The following CCDC69 variants were observed in gnomAD, a reference collection of about 807,000 sequenced individuals.
The protein encoded by CCDC69 is coiled-coil domain containing 69.
Under a neutral mutation model 40.3 loss-of-function variants are expected in CCDC69, and 38 were observed. The ratio of observed to expected loss-of-function variants is 0.94; its 90% CI spans 0.73 to 1.24. The LOEUF (loss-of-function observed/expected upper bound fraction) is 1.24. Ranked by LOEUF, CCDC69 falls within the 50% of genes most tolerant of loss-of-function variation. CCDC69 has a pLI of 0.00. For missense variants in CCDC69, 389 were observed against 357.9 expected (o/e 1.09, Z -0.70); for synonymous variants, 141 against 138.9 (o/e 1.02, Z -0.11).
In CCDC69 at chr5:151,185,419, G is replaced by A; in HGVS notation, c.615+3C>T. 6.2e-7 allele frequency: 1 copy of A among 1,613,780 alleles called. No homozygotes were observed. The highest frequency in any genetic ancestry group is 1.1e-5 in the South Asian group (1 of 91,044). On this transcript the variant is annotated splice_donor_region_variant and intron_variant, in intron 7 of 8. Coordinates refer to ENST00000355417, the MANE Select transcript of CCDC69 (RefSeq NM_015621.3). ...CATCCCCCAGCCACTCCCAGTCACA[G>A]ACCACTGTTTCCATGAGGATCAGCC...
At chr5:151,196,203 G>A (rs1752697191) in intron 4 of CCDC69, among the ~76,000 whole-genome samples, 1 of 152,340 alleles carries the variant, frequency 6.6e-6, no homozygotes, top group African/African-American at 2.4e-5. Context: ...CCAGGCTGGA[G>A]TACAGTGGTG....
chr5:151,183,508 C>T lies in CCDC69; in HGVS notation c.820G>A (p.Gly274Arg), dbSNP rs905777571. 1.2e-6 allele frequency: 2 copies of T among 1,608,464 alleles called. No homozygotes were observed. Among genetic ancestry groups the T allele is most frequent in the Admixed American group, 3.4e-5 (2 of 58,890 alleles). The change falls in exon 9 of 9, where the codon GGG (glycine) becomes AGG (arginine). Residue 274 changes from glycine to arginine, a missense_variant. Coordinates refer to ENST00000355417, the MANE Select transcript of CCDC69 (RefSeq NM_015621.3). ...EKEELLYRVL[G>R]ANASPAFPLA... is the part of the protein sequence containing the mutation. ...GGGAAGGCAGGCGAGGCATTGGCCC[C>T]AAGGACCCGGTACAACAGCTCCTCC...
At chr5:151,185,966 G>C (rs898998766) in intron 6 of CCDC69, 57 bp downstream of exon 6, 1 of 1,204,324 alleles carries the variant, frequency 8.3e-7, no homozygotes, top group African/African-American at 1.5e-5. Context: ...CCTGTTGCCC[G>C]GCCCTGACCT....
chr5:151,188,580 G>A (rs1012105623), intron 4 of CCDC69, among the ~76,000 whole-genome samples: 1 of 151,326 alleles, frequency 6.6e-6, no homozygotes, highest in African/African-American at 2.4e-5. Flanking sequence ...ACTCCAGCCT[G>A]GGCAACAGAG....
chr5:151,223,918 T>A lies in CCDC69; in HGVS notation c.48+5A>T. ...AAAGCAAACTTCTCCGCCGGCGCCC[T>A]TTACCTTTTTCGGGGGTTTGCAGCT... On this transcript the variant is annotated splice_donor_5th_base_variant and intron_variant, in intron 1 of 8. Transcript: ENST00000355417. 2 of 1,587,078 alleles carry A rather than the reference T, an allele frequency of 1.3e-6. No homozygotes were observed. Among genetic ancestry groups the A allele is most frequent in the Non-Finnish European group, 1.7e-6 (2 of 1,168,578 alleles).
chr5:151,204,237 A>G (rs939801625), intron 2 of CCDC69, among the ~76,000 whole-genome samples: 3 of 152,002 alleles, frequency 2.0e-5, no homozygotes, highest in African/African-American at 7.3e-5. Flanking sequence ...GTTTCACCAT[A>G]TTGCCCAGTC....
At chr5:151,199,107 A>G in intron 3 of CCDC69, 23 bp from the exon 4 acceptor site, 5 of 1,593,962 alleles carry the variant, frequency 3.1e-6, no homozygotes, top group African/African-American at 1.3e-5. Flanking sequence ...AGTCCCGGGC[A>G]GGACTGAGAT....
At chr5:151,214,031 G>A (rs935036565) in intron 1 of CCDC69, among the ~76,000 whole-genome samples, 1 of 152,198 alleles carries the variant, frequency 6.6e-6, no homozygotes, top group Non-Finnish European at 1.5e-5. Context: ...AGGCCCAGAG[G>A]TGGGTGGGCA....
chr5:151,222,351 G>A (rs553903151), intron 1 of CCDC69, among the ~76,000 whole-genome samples: 99 of 152,382 alleles, frequency 6.5e-4, no homozygotes, highest in African/African-American at 2.3e-3. Flanking sequence ...AGGAGCAGGA[G>A]CCAAAGAACC....
At chr5:151,184,227 A>T in intron 8 of CCDC69, 117 bp downstream of exon 8, 1 of 738,116 alleles carries the variant, frequency 1.4e-6, no homozygotes, top group East Asian at 2.5e-5. Context: ...CACATTCCCT[A>T]AATAGGCCCT....
intron 3 of CCDC69, among the ~76,000 whole-genome samples, chr5:151,199,552 C>G (rs1752750276): frequency 1.3e-5 from 2 of 152,072 alleles, no homozygotes; most frequent in South Asian, 2.1e-4. Flanking sequence ...CAGGCTGAAC[C>G]CTCCCAGCCA....
At chr5:151,209,941 A>T (rs1178496736) in intron 1 of CCDC69, among the ~76,000 whole-genome samples, 1 of 152,172 alleles carries the variant, frequency 6.6e-6, no homozygotes, top group Admixed American at 6.5e-5. Context: ...ACTAGTAGGC[A>T]TTTGTTGTAG....
chr5:151,189,314 T>C (rs1752570394), intron 4 of CCDC69, among the ~76,000 whole-genome samples: 1 of 151,980 alleles, frequency 6.6e-6, no homozygotes, highest in Non-Finnish European at 1.5e-5. Context: ...AAGGAAATTT[T>C]AGAACTAAAA....
chr5:151,205,214 C>A (rs1348540384), intron 2 of CCDC69, among the ~76,000 whole-genome samples, 186 bp downstream of exon 2: 1 of 152,128 alleles, frequency 6.6e-6, no homozygotes, highest in African/African-American at 2.4e-5. Flanking sequence ...GTGGTATCAA[C>A]AGCCTAGAAT....
At chr5:151,207,493 G>A (rs1752869152) in intron 1 of CCDC69, among the ~76,000 whole-genome samples, 1 of 150,130 alleles carries the variant, frequency 6.7e-6, no homozygotes, top group African/African-American at 2.5e-5. Flanking sequence ...GAGTTTCACC[G>A]TGTTGGCCAG....
Position 151,183,385 on chromosome 5 carries a change from C to T in CCDC69, c.*52G>A, listed in dbSNP as rs779866527. Reference sequence around the variant, plus strand: ...GCTCCTGCTGTCTTCTCCAGAAAAACCTTGGAAGGAGCTGTGACTTCAGGC... The same window carrying T: ...GCTCCTGCTGTCTTCTCCAGAAAAATCTTGGAAGGAGCTGTGACTTCAGGC... On this transcript the variant is annotated 3_prime_UTR_variant, in exon 9 of 9. Coordinates refer to ENST00000355417, the MANE Select transcript of CCDC69 (RefSeq NM_015621.3). 1 of 1,562,892 alleles carries T rather than the reference C, an allele frequency of 6.4e-7. No individual in the cohort carries two copies. The highest frequency in any genetic ancestry group is 1.3e-5 in the African/African-American group (1 of 74,482).
rs73278256 is a variant in CCDC69 at position 151,219,521 on chromosome 5, G to A, written c.48+4402C>T. Among the ~76,000 whole-genome samples, 732 of 152,262 alleles carry A rather than the reference G, an allele frequency of 4.8e-3. 7 individuals are homozygous for A. The highest frequency in any genetic ancestry group is 0.016 in the African/African-American group (684 of 41,542). On this transcript the variant is annotated intron_variant, in intron 1 of 8. Coordinates refer to ENST00000355417, the MANE Select transcript of CCDC69 (RefSeq NM_015621.3). ...CCACGGAACAGCCACAGGACATTAG[G>A]TAGCCATTAAAAAGTCCGTGTTTCC...
rs1752494484 is a variant in CCDC69 at position 151,185,479 on chromosome 5, C to T, written c.558G>A (p.Glu186=). 1 of 1,614,000 alleles carries T rather than the reference C, an allele frequency of 6.2e-7. No homozygotes were observed. The highest frequency in any genetic ancestry group is 1.7e-5 in the Admixed American group (1 of 59,996). ...GCTCATGAATACGCTCATTCTTCAT[C>T]TCGATGACAAAGTGTAAGCTCTCCA... ...QELESLHFVI[E]MKNERIHELD... Residue 186 remains glutamate, a synonymous_variant, in exon 7 of 9, where the codon GAG becomes GAA. Coordinates refer to ENST00000355417, the MANE Select transcript of CCDC69 (RefSeq NM_015621.3).
chr5:151,197,862 AG>A (rs1752721597), intron 4 of CCDC69, among the ~76,000 whole-genome samples: 1 of 152,240 alleles, frequency 6.6e-6, no homozygotes, highest in South Asian at 2.1e-4. Context: ...TAAATGAACA[AG>A]GGTGCATATT....
Sources: allele counts gnomAD v4.1 joint callset (sites outside exome capture counted in the v4.1 genomes callset), GRCh38; gene constraint gnomAD v4.1.1; transcripts MANE v1.5; gene names NCBI Gene and HGNC (gene_info 2026-07-23, HGNC 2026-07-21).